RANGAP1: variants seen among roughly 807,000 people sequenced by gnomAD.
RANGAP1 encodes the protein ran GTPase-activating protein 1.
Under a neutral mutation model 63.5 loss-of-function variants are expected in RANGAP1, and 38 were observed. That is an observed-to-expected ratio of 0.60 (90% CI 0.46 to 0.78). The LOEUF (loss-of-function observed/expected upper bound fraction) is 0.78. Among genes scored for constraint, RANGAP1 ranks in the 30% least tolerant of loss-of-function variants. The pLI is 0.00. For synonymous variants in RANGAP1, 329 were observed against 310.5 expected (o/e 1.06, Z -0.63); for missense variants, 630 against 740.3 (o/e 0.85, Z 1.73).
Position 41,249,778 on chromosome 22 carries a change from T to C in RANGAP1, c.1523A>G (p.Asn508Ser), listed in dbSNP as rs765119905. 1 of 1,613,918 alleles carries C rather than the reference T, an allele frequency of 6.2e-7. No homozygotes were observed. The highest frequency in any genetic ancestry group is 1.1e-5 in the South Asian group (1 of 91,062). The change falls in exon 14 of 16, where the codon AAC becomes AGC. Residue 508 changes from asparagine to serine, a missense_variant. By Grantham distance (46) the Asn-to-Ser change is conservative (BLOSUM62 1). Coordinates refer to ENST00000356244, the MANE Select transcript of RANGAP1 (RefSeq NM_002883.4). ...MQKAFNSSSF[N>S]SNTFLTRLLV... Reference sequence around the variant, plus strand: ...CAGCCTGGTGAGGAAGGTGTTGGAGTTGAAGGACGAGGAGTTGAAAGCCTT... The same window carrying C: ...CAGCCTGGTGAGGAAGGTGTTGGAGCTGAAGGACGAGGAGTTGAAAGCCTT...
At chr22:41,302,329 G>A in the RANGAP1 span, among the ~76,000 whole-genome samples, 1 of 151,804 alleles carries the variant, frequency 6.6e-6, no homozygotes. This position sits in a 1 kb window ranked among gnomAD's most constrained non-coding sequence, Gnocchi z 5.7. Flanking sequence ...GCGGCCACGC[G>A]AGCCCGGGGA....
At chr22:41,270,845 G>C (rs552220153) in intron 3 of RANGAP1, among the ~76,000 whole-genome samples, 4 of 152,316 alleles carry the variant, frequency 2.6e-5, no homozygotes, top group Admixed American at 1.3e-4. Context: ...ACAGGGCCAG[G>C]AACAGGCAGC....
At chr22:41,261,677 A>C in intron 5 of RANGAP1, 97 bp from the exon 6 acceptor site, 2 of 1,494,204 alleles carry the variant, frequency 1.3e-6, no homozygotes, top group South Asian at 1.2e-5. Context: ...ATCCCACGCC[A>C]CCCATCGGTG....
intron 10 of RANGAP1, among the ~76,000 whole-genome samples, chr22:41,255,756 C>T (rs2033790046): frequency 6.6e-6 from 1 of 151,986 alleles, no homozygotes; most frequent in Non-Finnish European, 1.5e-5. Context: ...TAGTACGTAA[C>T]AGGAGTGCAC....
Position 41,252,855 on chromosome 22 carries a change from C to T in RANGAP1, c.1380+17G>A, listed in dbSNP as rs1018765248. On this transcript the variant is annotated intron_variant, in intron 12 of 15. Coordinates refer to ENST00000356244, the MANE Select transcript of RANGAP1 (RefSeq NM_002883.4). Reference sequence around the variant, plus strand: ...GCCACAGCACGTACAGCGTGGGGGTCGAGGGGTGGTTATTACCTGCTGGGC... The same window carrying T: ...GCCACAGCACGTACAGCGTGGGGGTTGAGGGGTGGTTATTACCTGCTGGGC... 1.9e-6 allele frequency: 3 copies of T among 1,562,982 alleles called. No homozygotes were observed. The highest frequency in any genetic ancestry group is 2.6e-5 in the East Asian group (1 of 39,214).
intron 3 of RANGAP1, among the ~76,000 whole-genome samples, chr22:41,271,926 G>C (rs2145801427): frequency 6.6e-6 from 1 of 152,316 alleles, no homozygotes; most frequent in African/African-American, 2.4e-5. Flanking sequence ...ACAGAGGAGG[G>C]CCTAGGAGGT....
At chr22:41,249,919 C>T (rs1476858416) in intron 13 of RANGAP1, 102 bp from the exon 14 acceptor site, 4 of 991,878 alleles carry the variant, frequency 4.0e-6, no homozygotes, top group Non-Finnish European at 6.3e-6. Context: ...GGCTCGCCTG[C>T]CTCCTCGCCC....
At chr22:41,262,016 T>C (rs2034199261) in intron 5 of RANGAP1, among the ~76,000 whole-genome samples, 1 of 152,134 alleles carries the variant, frequency 6.6e-6, no homozygotes, top group Non-Finnish European at 1.5e-5. Context: ...TTATGGTCAA[T>C]AAACAAGTGG....
chr22:41,279,142 C>A (rs1439831522), intron 2 of RANGAP1, among the ~76,000 whole-genome samples: 1 of 150,806 alleles, frequency 6.6e-6, no homozygotes, highest in Non-Finnish European at 1.5e-5. Context: ...GACTCCGTCT[C>A]AAAAAAAATA....
intron 4 of RANGAP1, 115 bp downstream of exon 4, chr22:41,267,982 T>A (rs1315531152): frequency 2.1e-5 from 24 of 1,121,084 alleles, no homozygotes; most frequent in Non-Finnish European, 3.1e-5. Context: ...TTCCAGCAGC[T>A]CAGTCACCCA....
Position 41,252,860 on chromosome 22 carries a change from G to A in RANGAP1, c.1380+12C>T, listed in dbSNP as rs1412825438. ...AGCACGTACAGCGTGGGGGTCGAGG[G>A]GTGGTTATTACCTGCTGGGCTATCA... On this transcript the variant is annotated intron_variant, in intron 12 of 15. Transcript: ENST00000356244. The A allele has an allele frequency of 6.4e-7, 1 of 1,565,960 alleles. No individual in the cohort carries two copies. Among genetic ancestry groups the A allele is most frequent in the Non-Finnish European group, 8.6e-7 (1 of 1,157,728 alleles).
chr22:41,251,117 CA>C lies in RANGAP1; in HGVS notation c.1381-9del, dbSNP rs776659055. On this transcript the variant is annotated splice_polypyrimidine_tract_variant and intron_variant, in intron 12 of 15. Coordinates refer to ENST00000356244, the MANE Select transcript of RANGAP1 (RefSeq NM_002883.4). ...GGGGTCAGACGTGTCAGTCTGAGGACAAAAGAGACAATGGTTGGCCTGTGGC... is the reference window on the plus strand; with the variant it reads ...GGGGTCAGACGTGTCAGTCTGAGGACAAAGAGACAATGGTTGGCCTGTGGC... 6.2e-7 allele frequency: 1 copy of C among 1,611,064 alleles called. No individual in the cohort carries two copies. The highest frequency in any genetic ancestry group is 1.1e-5 in the South Asian group (1 of 91,006).
intron 1 of RANGAP1, among the ~76,000 whole-genome samples, chr22:41,282,709 G>A (rs1402823461): frequency 6.6e-6 from 1 of 152,190 alleles, no homozygotes; most frequent in Non-Finnish European, 1.5e-5. Context: ...GTACATGTGA[G>A]ATTAAATGTC....
chr22:41,277,576 C>CAGAAGGTCAAG, intron 2 of RANGAP1: 8 of 1,073,926 alleles, frequency 7.4e-6, no homozygotes, highest in Non-Finnish European at 9.9e-6. Context: ...TGAACTTGAC[C>CAGAAGGTCAAG]TTCTGGTCAA....
At chr22:41,297,421 C>T in the RANGAP1 span, among the ~76,000 whole-genome samples, 1 of 152,040 alleles carries the variant, frequency 6.6e-6, no homozygotes, top group Non-Finnish European at 1.5e-5. Context: ...CAAAAGCACC[C>T]AGAATGTTTG....
rs2033820142 is a variant in RANGAP1 at position 41,256,179 on chromosome 22, C to A, written c.988+12G>T. 6.2e-7 allele frequency: 1 copy of A among 1,614,088 alleles called. No individual in the cohort carries two copies. Among genetic ancestry groups the A allele is most frequent in the Non-Finnish European group, 8.5e-7 (1 of 1,179,948 alleles). The stretch of plus-strand genomic sequence containing the variant: ...TAGCAGACCTGTGCAGAGGCCTCCC[C>A]CATCCGACTACCATTCAGGTCCAGC... On this transcript the variant is annotated intron_variant, in intron 9 of 15. Transcript: ENST00000356244.
At position 41,258,133 on chromosome 22, in the gene RANGAP1, G is replaced by C. The variant is rs763775992; in HGVS notation, c.616-27C>G. On this transcript the variant is annotated intron_variant, in intron 6 of 15. Coordinates refer to ENST00000356244, the MANE Select transcript of RANGAP1 (RefSeq NM_002883.4). The stretch of plus-strand genomic sequence containing the variant: ...TGTGAAGAGGAGGCAGAGAGTGGAG[G>C]GGGCCCCGAGTGCCAGGTGACATCC... 8 of 1,567,722 alleles carry C rather than the reference G, an allele frequency of 5.1e-6. No homozygotes were observed. In the South Asian group the frequency reaches 8.2e-5, roughly 16 times the overall value.
chr22:41,268,475 GA>G (rs1386628391), intron 3 of RANGAP1, among the ~76,000 whole-genome samples: 1 of 151,972 alleles, frequency 6.6e-6, no homozygotes, highest in African/African-American at 2.4e-5. Context: ...GGCTGGACTT[GA>G]ACTCCCGACC....
chr22:41,287,030 G>A (rs967410443), upstream of RANGAP1, among the ~76,000 whole-genome samples: 2 of 152,198 alleles, frequency 1.3e-5, no homozygotes, highest in African/African-American at 4.8e-5. Context: ...CCTGGGTGGG[G>A]ATTGCTATAA....
Sources: gnomAD v4.1 joint callset for allele counts (sites outside exome capture counted in the v4.1 genomes callset) on GRCh38, gnomAD v4.1.1 for gene constraint, Gnocchi (gnomAD v3.1) non-coding constraint, MANE v1.5 for transcripts, NCBI Gene and HGNC (gene_info 2026-07-23, HGNC 2026-07-21) for gene names.